DHX32: variants seen among roughly 807,000 people sequenced by gnomAD.
DHX32 encodes putative pre-mRNA-splicing factor ATP-dependent RNA helicase DHX32.
DHX32 carries 51 observed loss-of-function variants against 70.0 expected under a neutral mutation model. That is an observed-to-expected ratio of 0.73 (90% CI 0.58 to 0.92). The LOEUF (loss-of-function observed/expected upper bound fraction) is 0.92. Among genes scored for constraint, DHX32 ranks in the 40% least tolerant of loss-of-function variants. The pLI is 0.00. For missense variants in DHX32, 762 were observed against 891.8 expected, an observed-to-expected ratio of 0.85 and a Z score of 1.85; for synonymous variants, 310 against 315.3, an observed-to-expected ratio of 0.98 and a Z score of 0.18.
At chr10:125,867,378 TAAG>T (rs1365636959) in intron 1 of DHX32, among the ~76,000 whole-genome samples, 195 bp from the exon 2 acceptor site, 7 of 152,090 alleles carry the variant, frequency 4.6e-5, no homozygotes, top group African/African-American at 1.7e-4. Flanking sequence ...GAAATAAAGT[TAAG>T]AAGAAACAGG....
chr10:125,875,929 A>G (rs1944281177), intron 1 of DHX32, among the ~76,000 whole-genome samples: 1 of 152,224 alleles, frequency 6.6e-6, no homozygotes, highest in Admixed American at 6.5e-5. Flanking sequence ...GAATTCTGCC[A>G]AGATGTAGGT....
chr10:125,845,690 A>G (rs1944008040), intron 6 of DHX32, among the ~76,000 whole-genome samples: 1 of 152,232 alleles, frequency 6.6e-6, no homozygotes, highest in African/African-American at 2.4e-5. Context: ...AGTGGCCTCC[A>G]TGGTAAACTG....
Position 125,866,963 on chromosome 10 carries a change from G to C in DHX32, c.476+27C>G, listed in dbSNP as rs767366987. 68 of 1,597,604 alleles carry C rather than the reference G, an allele frequency of 4.3e-5. No individual in the cohort carries two copies. In the Middle Eastern group the frequency reaches 5.0e-4, roughly 12 times the overall value. On this transcript the variant is annotated intron_variant, in intron 2 of 10. Transcript: ENST00000284690. This position sits in a 1 kb window ranked among gnomAD's most constrained non-coding sequence, Gnocchi z 4.8. Reference sequence around the variant, plus strand: ...AACCTAAGCCAAGAATCATCAGCAGGGAGCGGACTGAACCCCACAAACCAA... The same window carrying C: ...AACCTAAGCCAAGAATCATCAGCAGCGAGCGGACTGAACCCCACAAACCAA...
At chr10:125,840,457 G>A (rs1269079524) in intron 8 of DHX32, among the ~76,000 whole-genome samples, 1 of 152,248 alleles carries the variant, frequency 6.6e-6, no homozygotes, top group Non-Finnish European at 1.5e-5. Flanking sequence ...CGTGGTGAAT[G>A]TGCCAGGATA....
Position 125,836,710 on chromosome 10 carries a change from C to G in DHX32, c.2209G>C (p.Glu737Gln), listed in dbSNP as rs368995976. ...AGTCACTGGAGAGTGCATCTCTGTT[C>G]AGTTTCAGGGCACGTCTCACACATT... ...QQMCETCPET[E>Q]QRCTLQ Residue 737 changes from glutamate to glutamine, a missense_variant, in exon 11 of 11, where the codon GAA becomes CAA. Glu to Gln is a conservative substitution (Grantham distance 29). Transcript: ENST00000284690. 5.8e-5 allele frequency: 93 copies of G among 1,614,032 alleles called. No individual in the cohort carries two copies. The African/African-American group carries it at 1.2e-3, about 20-fold the overall frequency.
chr10:125,851,947 G>GA (rs1292799877), intron 6 of DHX32, among the ~76,000 whole-genome samples: 1 of 140,414 alleles, frequency 7.1e-6, no homozygotes, highest in African/African-American at 2.6e-5. Context: ...AAAAAGAAAA[G>GA]AAAAAAGGAC....
At chr10:125,843,876 G>A (rs564343272) in intron 6 of DHX32, among the ~76,000 whole-genome samples, 6 of 152,336 alleles carry the variant, frequency 3.9e-5, no homozygotes, top group African/African-American at 1.4e-4. Context: ...GAAATCTGCA[G>A]GGAACCCAGA....
At chr10:125,842,128 G>T in intron 6 of DHX32, 194 bp from the exon 7 acceptor site, 1 of 720,466 alleles carries the variant, frequency 1.4e-6, no homozygotes, top group Non-Finnish European at 2.1e-6. Context: ...GGGGAGCCCT[G>T]TGATTGTCCA....
intron 8 of DHX32, 46 bp from the exon 9 acceptor site, chr10:125,839,234 AGCTCTGAAGAGCCCAGGCCAGGC>A: frequency 6.3e-7 from 1 of 1,586,318 alleles, no homozygotes; most frequent in South Asian, 1.1e-5. Context: ...ATTTGTCAGA[AGCTCTGAAGAGCCCAGGCCAGGC>A]AGTTGCCATC....
intron 7 of DHX32, chr10:125,841,280 G>A (rs1854872472): frequency 1.2e-6 from 2 of 1,613,962 alleles, no homozygotes; most frequent in African/African-American, 2.7e-5. Context: ...GAGGTGCTTG[G>A]AGGTCCAGAC....
chr10:125,836,479 C>G lies in DHX32; in HGVS notation c.*208G>C. The G allele has an allele frequency of 1.4e-6, 2 of 1,384,150 alleles. No individual in the cohort carries two copies. The highest frequency in any genetic ancestry group is 1.9e-6 in the Non-Finnish European group (2 of 1,066,320). The allele number at this position is 1,384,150 out of a possible 1,614,324, so 85.7% of individuals were successfully genotyped here. A position where few individuals can be genotyped will look rare whatever the true frequency, so the allele number is the denominator to read the frequency against. On this transcript the variant is annotated 3_prime_UTR_variant, in exon 11 of 11. Transcript: ENST00000284690. ...ATGAGTGGTTGATTTAAAAACTTTT[C>G]CAAGAAGAAGAAAAGCATGGAGTAG...
chr10:125,867,816 TG>T (rs1378278535), intron 1 of DHX32, among the ~76,000 whole-genome samples: 3 of 151,824 alleles, frequency 2.0e-5, no homozygotes, highest in Non-Finnish European at 2.9e-5. Context: ...AAAAGACTAA[TG>T]TATTTAGAGA....
upstream of DHX32, among the ~76,000 whole-genome samples, chr10:125,885,111 G>C (rs911284542): frequency 5.3e-5 from 8 of 152,152 alleles, no homozygotes; most frequent in Non-Finnish European, 7.4e-5. Context: ...GCCTGCAACT[G>C]AGCTCCCAAC....
chr10:125,838,458 GA>G lies in DHX32; in HGVS notation c.1882-72del, dbSNP rs1854771635. 4.4e-6 allele frequency: 6 copies of G among 1,355,782 alleles called. No homozygotes were observed. In the South Asian group the frequency reaches 8.7e-5, roughly 20 times the overall value. The allele number at this position is 1,355,782 out of a possible 1,614,324, so 84.0% of individuals were successfully genotyped here. A position where few individuals can be genotyped will look rare whatever the true frequency, so the allele number is the denominator to read the frequency against. On this transcript the variant is annotated intron_variant, in intron 9 of 10. Coordinates refer to ENST00000284690, the MANE Select transcript of DHX32 (RefSeq NM_018180.3). ...AGATCATTATACAAAGATGTTTGTT[GA>G]AAAAAATACCAAAGTATTTTATACG... is the stretch of plus-strand genomic sequence containing the variant.
chr10:125,850,481 C>T (rs1213185668), intron 6 of DHX32, among the ~76,000 whole-genome samples: 2 of 151,898 alleles, frequency 1.3e-5, no homozygotes, highest in African/African-American at 4.8e-5. Flanking sequence ...CCTCAGCCTC[C>T]CAAGTAGCTG....
At chr10:125,862,540 C>T (rs1244230019) in intron 2 of DHX32, among the ~76,000 whole-genome samples, 2 of 151,786 alleles carry the variant, frequency 1.3e-5, no homozygotes, top group Non-Finnish European at 2.9e-5. Context: ...GGAAGTAATG[C>T]TGCCCCATAA....
chr10:125,884,197 G>T (rs1478181640), upstream of DHX32, among the ~76,000 whole-genome samples: 1 of 152,202 alleles, frequency 6.6e-6, no homozygotes, highest in Non-Finnish European at 1.5e-5. Context: ...TGGGCCCATT[G>T]ACTCCAATAA....
In DHX32 at chr10:125,836,362, C is replaced by G. The variant is rs183040118; in HGVS notation, c.*325G>C. 1 of 1,595,192 alleles carries G rather than the reference C, an allele frequency of 6.3e-7. No individual in the cohort carries two copies. The highest frequency in any genetic ancestry group is 1.4e-5 in the African/African-American group (1 of 74,008). ...TTTACTGAAAAACTCAGACTTTATTCAGATTAAGTTCCTCTACAAAAAGTA... is the reference window on the plus strand; with the variant it reads ...TTTACTGAAAAACTCAGACTTTATTGAGATTAAGTTCCTCTACAAAAAGTA... On this transcript the variant is annotated 3_prime_UTR_variant, in exon 11 of 11. Transcript: ENST00000284690.
At chr10:125,861,865 A>C (rs1944190749) in intron 2 of DHX32, among the ~76,000 whole-genome samples, 1 of 152,130 alleles carries the variant, frequency 6.6e-6, no homozygotes, top group Admixed American at 6.5e-5. Flanking sequence ...TTTCTAGCAA[A>C]TCACTGAACC....
Sources: gnomAD v4.1 joint callset for allele counts (sites outside exome capture counted in the v4.1 genomes callset) on GRCh38, gnomAD v4.1.1 for gene constraint, Gnocchi (gnomAD v3.1) non-coding constraint, MANE v1.5 for transcripts, NCBI Gene and HGNC (gene_info 2026-07-23, HGNC 2026-07-21) for gene names.